Variants in DROSHA observed in about 807,000 individuals in gnomAD.
The protein encoded by DROSHA is drosha ribonuclease III.
Under a neutral mutation model 181.9 loss-of-function variants are expected in DROSHA, and 56 were observed. The ratio of observed to expected loss-of-function variants is 0.31; its 90% CI spans 0.25 to 0.38. The LOEUF (loss-of-function observed/expected upper bound fraction) is 0.38. Among genes scored for constraint, DROSHA ranks in the 10% least tolerant of loss-of-function variants. The pLI is 1.00. For missense variants in DROSHA, 1,218 were observed against 1,743.5 expected (o/e 0.70, Z 5.37); for synonymous variants, 524 against 591.2 (o/e 0.89, Z 1.65).
chr5:31,435,764 C>A lies in DROSHA; in HGVS notation c.3042+1G>T. On this transcript the variant is annotated splice_donor_variant, in intron 25 of 35. Coordinates refer to ENST00000344624, the MANE Select transcript of DROSHA (RefSeq NM_001382508.1). LOFTEE classifies it high-confidence loss of function. The stretch of plus-strand genomic sequence containing the variant: ...ACAAATGCTGCAGATGTCTTCTATA[C>A]CTTTGCTAGCATGGCAAGGTGCTGA... 6.2e-7 allele frequency: 1 copy of A among 1,613,414 alleles called. No homozygotes were observed. Among genetic ancestry groups the A allele is most frequent in the South Asian group, 1.1e-5 (1 of 90,906 alleles).
intron 20 of DROSHA, among the ~76,000 whole-genome samples, chr5:31,460,190 CA>C (rs1428453319): frequency 6.6e-6 from 1 of 152,184 alleles, no homozygotes; most frequent in Non-Finnish European, 1.5e-5. Flanking sequence ...GACTCAGATT[CA>C]GGTTTTGATT....
chr5:31,468,300 A>G (rs1399438064), intron 17 of DROSHA, among the ~76,000 whole-genome samples: 3 of 152,212 alleles, frequency 2.0e-5, no homozygotes, highest in Non-Finnish European at 4.4e-5. Context: ...CCTTTTTTGC[A>G]GTCCACATAG....
At chr5:31,504,177 A>G (rs1215795488) in intron 11 of DROSHA, among the ~76,000 whole-genome samples, 1 of 152,118 alleles carries the variant, frequency 6.6e-6, no homozygotes, top group Non-Finnish European at 1.5e-5. Context: ...GGACAGACTA[A>G]CAGAGAGAGA....
At chr5:31,468,199 CT>C in intron 17 of DROSHA, 136 bp from the exon 18 acceptor site, 1 of 954,518 alleles carries the variant, frequency 1.0e-6, no homozygotes, top group Non-Finnish European at 1.5e-6. Flanking sequence ...ATTTAAAACC[CT>C]TTAATTACAG....
At chr5:31,498,663 G>C (rs1250933610) in intron 11 of DROSHA, among the ~76,000 whole-genome samples, 1 of 152,012 alleles carries the variant, frequency 6.6e-6, no homozygotes, top group Non-Finnish European at 1.5e-5. Context: ...TTCAAGACCA[G>C]CCTGACCAAC....
chr5:31,503,737 G>A (rs1345083450), intron 11 of DROSHA, among the ~76,000 whole-genome samples: 2 of 152,164 alleles, frequency 1.3e-5, no homozygotes, highest in African/African-American at 4.8e-5. Flanking sequence ...CCCAACCTGA[G>A]GCATGTGCAC....
intron 20 of DROSHA, among the ~76,000 whole-genome samples, chr5:31,453,928 TAA>T (rs59797989): frequency 0.012 from 1,694 of 136,328 alleles, 34 homozygotes; most frequent in African/African-American, 0.038. Context: ...CTGCTTTAAT[TAA>T]AAAAAAAAAA....
chr5:31,514,248 C>T lies in DROSHA; in HGVS notation c.1290+740G>A, dbSNP rs1393877865. Among the ~76,000 whole-genome samples, 1 of 150,368 alleles carries T rather than the reference C, an allele frequency of 6.7e-6. No homozygotes were observed. The highest frequency in any genetic ancestry group is 1.5e-5 in the Non-Finnish European group (1 of 68,014). On this transcript the variant is annotated intron_variant, in intron 8 of 35. Transcript: ENST00000344624. This position sits in a 1 kb window ranked among gnomAD's most constrained non-coding sequence, Gnocchi z 4.4. ...GAGAAAACACACACACACACACACACACACACACACACATACACATACACA... is the reference window on the plus strand; with the variant it reads ...GAGAAAACACACACACACACACACATACACACACACACATACACATACACA...
intron 23 of DROSHA, among the ~76,000 whole-genome samples, chr5:31,439,694 G>A (rs995253532): frequency 4.6e-5 from 7 of 152,096 alleles, no homozygotes; most frequent in Admixed American, 2.0e-4. Flanking sequence ...ACTATCTTTG[G>A]TTTTATGCAC....
chr5:31,493,231 C>G lies in DROSHA; in HGVS notation c.1818G>C (p.Met606Ile), dbSNP rs1025855611. ...CATTGGTCAGGGGGGCATGTGCAAA[C>G]ATAGAAAATCCTTCAAAGATATACT... is the stretch of plus-strand genomic sequence containing the variant. ...DHEYIFEGFSMFAHAPLTNIP... is the reference protein window; with the variant it reads ...DHEYIFEGFSIFAHAPLTNIP... Residue 606 changes from methionine to isoleucine, a missense_variant, in exon 13 of 36, where the codon ATG becomes ATC. This residue lies in a region of DROSHA where 460 missense variants were observed against 774.2 expected (regional missense o/e 0.59). Coordinates refer to ENST00000344624, the MANE Select transcript of DROSHA (RefSeq NM_001382508.1). The G allele has an allele frequency of 1.2e-6, 2 of 1,606,738 alleles. No individual in the cohort carries two copies. Among genetic ancestry groups the G allele is most frequent in the Non-Finnish European group, 1.7e-6 (2 of 1,177,006 alleles).
At chr5:31,446,179 G>T (rs897078390) in intron 23 of DROSHA, among the ~76,000 whole-genome samples, 3 of 152,066 alleles carry the variant, frequency 2.0e-5, no homozygotes, top group Non-Finnish European at 4.4e-5. Context: ...GGGCGTGGTG[G>T]CTCACGCCTG....
intron 16 of DROSHA, among the ~76,000 whole-genome samples, chr5:31,480,671 C>T (rs919123244): frequency 6.6e-5 from 10 of 152,120 alleles, no homozygotes; most frequent in Middle Eastern, 3.4e-3. Flanking sequence ...CACTAGTAAC[C>T]AAAAACATGA....
intron 23 of DROSHA, among the ~76,000 whole-genome samples, chr5:31,444,059 G>C (rs1745969367): frequency 1.3e-5 from 2 of 152,184 alleles, no homozygotes; most frequent in Non-Finnish European, 2.9e-5. Context: ...AGCAGGATTT[G>C]AGCAGGATAT....
rs569299419 is a variant in DROSHA at position 31,483,699 on chromosome 5, A to G, written c.1997-71T>C. 2.8e-6 allele frequency: 4 copies of G among 1,422,182 alleles called. No homozygotes were observed. The African/African-American group carries it at 5.8e-5, about 21-fold the overall frequency. The allele number at this position is 1,422,182 out of a possible 1,614,324, so 88.1% of individuals were successfully genotyped here. ...CTTAAAAAACAAGCACTGCAACTTAATTTCTAAGATTTATGATAACCACAA... is the reference window on the plus strand; with the variant it reads ...CTTAAAAAACAAGCACTGCAACTTAGTTTCTAAGATTTATGATAACCACAA... On this transcript the variant is annotated intron_variant, in intron 15 of 35. Coordinates refer to ENST00000344624, the MANE Select transcript of DROSHA (RefSeq NM_001382508.1).
intron 20 of DROSHA, among the ~76,000 whole-genome samples, chr5:31,454,184 T>G (rs1747370094): frequency 6.6e-6 from 1 of 152,092 alleles, no homozygotes; most frequent in African/African-American, 2.4e-5. Context: ...TGGAGAGAGC[T>G]CTGCCGAATC....
intron 26 of DROSHA, among the ~76,000 whole-genome samples, chr5:31,431,274 C>G (rs1444002141): frequency 3.4e-5 from 5 of 147,092 alleles, no homozygotes; most frequent in African/African-American, 1.2e-4. Context: ...GAAAGTAATC[C>G]ATCTCCATAT....
intron 16 of DROSHA, among the ~76,000 whole-genome samples, chr5:31,475,384 A>G (rs1750249098): frequency 6.6e-6 from 1 of 152,198 alleles, no homozygotes; most frequent in Non-Finnish European, 1.5e-5. Context: ...TTCCTCAATC[A>G]GTAATGTTCC....
In DROSHA at chr5:31,515,213, G is replaced by C; in HGVS notation, c.1065C>G (p.Ser355=). The part of the protein sequence containing the change: ...APPLEIVNHR[S]PSREKKRARW... ...GAGCTCTCTTCTTCTCCCTACTTGG[G>C]GAGCGACTTCAAAAGAGGGCAAAGG... Residue 355 remains serine (S), a synonymous_variant, in exon 8 of 36, where the codon TCC becomes TCG. Transcript: ENST00000344624. 6.2e-7 allele frequency: 1 copy of C among 1,608,956 alleles called. No homozygotes were observed. Among genetic ancestry groups the C allele is most frequent in the Non-Finnish European group, 8.5e-7 (1 of 1,178,874 alleles).
intron 17 of DROSHA, among the ~76,000 whole-genome samples, chr5:31,468,924 G>T (rs559245557): frequency 1.3e-5 from 2 of 152,172 alleles, no homozygotes; most frequent in Non-Finnish European, 2.9e-5. Context: ...TTAGAGTCTG[G>T]TTGGCTGCCT....
Sources: allele counts gnomAD v4.1 joint callset (sites outside exome capture counted in the v4.1 genomes callset), GRCh38; gene constraint gnomAD v4.1.1; regional missense constraint gnomAD v4.1.1; non-coding constraint Gnocchi (gnomAD v3.1); transcripts MANE v1.5; gene names NCBI Gene and HGNC (gene_info 2026-07-23, HGNC 2026-07-21).